ARHGEF9: variants seen among roughly 807,000 people sequenced by gnomAD.
The protein encoded by ARHGEF9 is Cdc42 guanine nucleotide exchange factor 9.
A neutral mutation model predicts 41.3 loss-of-function variants in ARHGEF9; 2 were observed. The observed-to-expected ratio is 0.05, with a 90% CI of 0.02 to 0.15. The LOEUF is 0.15. Among genes scored for constraint, ARHGEF9 ranks in the 10% least tolerant of loss-of-function variants. ARHGEF9 has a pLI of 1.00. For missense variants in ARHGEF9, 225 were observed against 424.7 expected (o/e 0.53, Z 4.13); for synonymous variants, 160 against 154.4 (o/e 1.04, Z -0.27).
intron 3 of ARHGEF9, chrX:63,701,481 A>T (rs2052174672): frequency 1.8e-5 from 2 of 111,595 alleles, no homozygotes; most frequent in South Asian, 7.6e-4. Flanking sequence ...TCAAAGTTTA[A>T]CAGAATACCT....
intron 1 of ARHGEF9, chrX:63,755,137 A>G (rs1556445656): frequency 1.1e-6 from 1 of 937,116 alleles, no homozygotes; most frequent in African/African-American, 2.0e-5. Flanking sequence ...CGCTCAGCCC[A>G]TAGGCTGCCT....
chrX:63,647,560 C>G (rs1383594806), intron 8 of ARHGEF9, among the ~76,000 whole-genome samples: 2 of 111,591 alleles, frequency 1.8e-5, no homozygotes, highest in Non-Finnish European at 1.9e-5. Context: ...TTGAACCAGC[C>G]TTGCAACCCA....
At chrX:63,680,733 GC>G (rs2050569318) in intron 4 of ARHGEF9, among the ~76,000 whole-genome samples, 2 of 111,792 alleles carry the variant, frequency 1.8e-5, no homozygotes, top group Non-Finnish European at 3.8e-5. Context: ...GACCCCAGAA[GC>G]TTTTTCAGCT....
chrX:63,766,755 G>C, intron 1 of ARHGEF9: 1 of 207,022 alleles, frequency 4.8e-6, no homozygotes, highest in Non-Finnish European at 9.0e-6. Context: ...CTAAAGAACT[G>C]TGCCCCTCTA....
At chrX:63,759,961 A>G (rs188032917) in intron 1 of ARHGEF9, among the ~76,000 whole-genome samples, 148 of 111,623 alleles carry the variant, frequency 1.3e-3, no homozygotes, top group Non-Finnish European at 2.2e-3. Context: ...CACATGTCCC[A>G]TCTTTCAATA....
intron 2 of ARHGEF9, among the ~76,000 whole-genome samples, chrX:63,720,774 C>T (rs1447798766): frequency 8.9e-6 from 1 of 112,345 alleles, no homozygotes; most frequent in African/African-American, 3.2e-5. Context: ...ATAATTTATC[C>T]TACAGATGTG....
At chrX:63,680,260 G>C (rs1267256528) in intron 4 of ARHGEF9, among the ~76,000 whole-genome samples, 1 of 112,209 alleles carries the variant, frequency 8.9e-6, no homozygotes, top group East Asian at 2.8e-4. Context: ...AGAAGCCACA[G>C]CAATATAGTG....
At chrX:63,741,977 G>A (rs1304689927) in intron 1 of ARHGEF9, among the ~76,000 whole-genome samples, 1 of 112,361 alleles carries the variant, frequency 8.9e-6, no homozygotes, top group Non-Finnish European at 1.9e-5. Context: ...ATAGAGCATG[G>A]ATAGACAGCA....
chrX:63,646,423 G>T lies in ARHGEF9; in HGVS notation c.1322-2375C>A, dbSNP rs781887711. Among the ~76,000 whole-genome samples the T allele has an allele frequency of 8.6e-4, 96 of 111,939 alleles. 1 individual carries two copies. Among genetic ancestry groups the T allele is most frequent in the African/African-American group, 2.9e-3 (89 of 30,812 alleles). ...ATTTTTGTATAAGGTGTAAGGAAGGGATCCAGTTTCAGCTTTCTCCATATG... is the reference window on the plus strand; with the variant it reads ...ATTTTTGTATAAGGTGTAAGGAAGGTATCCAGTTTCAGCTTTCTCCATATG... On this transcript the variant is annotated intron_variant, in intron 8 of 9. Transcript: ENST00000671741.
At chrX:63,756,800 T>G (rs1325825993) in intron 1 of ARHGEF9, among the ~76,000 whole-genome samples, 2 of 111,925 alleles carry the variant, frequency 1.8e-5, no homozygotes, top group African/African-American at 6.5e-5. Context: ...ACTACAGTCT[T>G]TCTCCTAGTC....
chrX:63,695,062 G>A (rs2051643953), intron 4 of ARHGEF9, among the ~76,000 whole-genome samples: 1 of 112,186 alleles, frequency 8.9e-6, no homozygotes, highest in Non-Finnish European at 1.9e-5. Flanking sequence ...AAAGGTAAAA[G>A]TATGTTATCA....
At chrX:63,770,070 C>T (rs2056178559) in intron 1 of ARHGEF9, among the ~76,000 whole-genome samples, 1 of 111,870 alleles carries the variant, frequency 8.9e-6, no homozygotes, top group Admixed American at 9.4e-5. Flanking sequence ...AAGCTGCAAA[C>T]ACTCAATGCC....
chrX:63,763,848 C>A (rs782373734), intron 1 of ARHGEF9, among the ~76,000 whole-genome samples: 10 of 111,321 alleles, frequency 9.0e-5, no homozygotes, highest in Non-Finnish European at 1.7e-4. Flanking sequence ...ACAATAAATA[C>A]TATTATTTGA....
chrX:63,755,888 G>C, intron 1 of ARHGEF9: 1 of 750,949 alleles, frequency 1.3e-6, no homozygotes. Context: ...CAGTTAGCTT[G>C]CAATTTTCCA....
Position 63,635,240 on chromosome X carries a change from T to C in ARHGEF9, c.*2788A>G. 2.6e-6 allele frequency: 1 copy of C among 391,561 alleles called. No individual in the cohort carries two copies. The highest frequency in any genetic ancestry group is 4.7e-6 in the Non-Finnish European group (1 of 212,136). The allele number at this position is 391,561 out of a possible 1,213,427, so 32.3% of individuals were successfully genotyped here. ...TCACACTAGAATTGTTAGAACTCTC[T>C]TGTTGCTGTTCTTATAGATCCATTA... On this transcript the variant is annotated 3_prime_UTR_variant, in exon 10 of 10. Transcript: ENST00000671741.
intron 1 of ARHGEF9, among the ~76,000 whole-genome samples, chrX:63,745,913 C>T (rs782110111): frequency 8.9e-6 from 1 of 112,150 alleles, no homozygotes; most frequent in Non-Finnish European, 1.9e-5. Flanking sequence ...GTCCTCCATA[C>T]CTGTCCCATG....
At position 63,637,813 on chromosome X, in the gene ARHGEF9, A is replaced by G. The variant is rs1268579697; in HGVS notation, c.*215T>C. On this transcript the variant is annotated 3_prime_UTR_variant, in exon 10 of 10. Transcript: ENST00000671741. The stretch of plus-strand genomic sequence containing the variant: ...ACCAACCACATATTTCACTTCCCCA[A>G]AACAACAGAAAACACTTTTGTTCCT... 1 of 312,163 alleles carries G rather than the reference A, an allele frequency of 3.2e-6. No homozygotes were observed. Among genetic ancestry groups the G allele is most frequent in the African/African-American group, 2.8e-5 (1 of 36,128 alleles). 25.7% of individuals were successfully genotyped at this position (312,163 alleles called of 1,213,427 possible). A position where few individuals can be genotyped will look rare whatever the true frequency, so the allele number is the denominator to read the frequency against.
rs1556334802 is a variant in ARHGEF9 at position 63,655,621 on chromosome X, G to A, written c.1194C>T (p.Ala398=). The change falls in exon 8 of 10, where the codon GCC becomes GCT. Residue 398 remains alanine, a synonymous_variant. Coordinates refer to ENST00000671741, the MANE Select transcript of ARHGEF9 (RefSeq NM_001353921.2). ...CAGTCTCCTTGTTGTGAAGCTTAAA[G>A]GCATTCTTCATGCTGACATTGAAGT... ...DDDFNVSMKN[A]FKLHNKETEE... 8.3e-7 allele frequency: 1 copy of A among 1,211,208 alleles called. No homozygotes were observed. The highest frequency in any genetic ancestry group is 2.2e-5 in the Admixed American group (1 of 45,956).
At chrX:63,748,939 T>C (rs1382960623) in intron 1 of ARHGEF9, among the ~76,000 whole-genome samples, 1 of 112,238 alleles carries the variant, frequency 8.9e-6, no homozygotes, top group Non-Finnish European at 1.9e-5. Flanking sequence ...GAAAAATAAG[T>C]GTGCTTCAAA....
Sources: gnomAD v4.1 joint callset for allele counts (sites outside exome capture counted in the v4.1 genomes callset) on GRCh38, gnomAD v4.1.1 for gene constraint, MANE v1.5 for transcripts, NCBI Gene and HGNC (gene_info 2026-07-23, HGNC 2026-07-21) for gene names.